The following PHACTR1 variants were observed in gnomAD, a reference collection of about 807,000 sequenced individuals.
The protein encoded by PHACTR1 is phosphatase and actin regulator 1.
Under a neutral mutation model 69.2 loss-of-function variants are expected in PHACTR1, and 16 were observed. The ratio of observed to expected loss-of-function variants is 0.23; its 90% CI spans 0.16 to 0.35. The LOEUF (loss-of-function observed/expected upper bound fraction) is 0.35. Ranked by LOEUF, PHACTR1 falls within the 10% of genes least tolerant of loss-of-function variation. The pLI is 1.00. For synonymous variants in PHACTR1, 312 were observed against 284.5 expected, an observed-to-expected ratio of 1.10 and a Z score of -0.97; for missense variants, 510 against 734.7, an observed-to-expected ratio of 0.69 and a Z score of 3.54.
chr6:12,942,796 G>A (rs895363278), intron 4 of PHACTR1, among the ~76,000 whole-genome samples: 1 of 152,164 alleles, frequency 6.6e-6, no homozygotes, highest in South Asian at 2.1e-4. Context: ...GTGGAGAAAT[G>A]AATCATACAA....
At chr6:12,954,770 A>G (rs1391675768) in intron 4 of PHACTR1, among the ~76,000 whole-genome samples, 1 of 152,204 alleles carries the variant, frequency 6.6e-6, no homozygotes, top group Non-Finnish European at 1.5e-5. Flanking sequence ...AGAGATTACC[A>G]CTTGAATTAT....
Position 13,287,162 on chromosome 6 carries a change from C to T in PHACTR1, c.*84C>T. 7.8e-7 allele frequency: 1 copy of T among 1,287,832 alleles called. No homozygotes were observed. 79.8% of individuals were successfully genotyped at this position (1,287,832 alleles called of 1,614,324 possible). ...AAGTGCTGGTATTTATTCACTTCCC[C>T]ATTACGATGTAAATCTTCTGAACTG... is the stretch of plus-strand genomic sequence containing the variant. On this transcript the variant is annotated 3_prime_UTR_variant, in exon 15 of 15. Transcript: ENST00000332995.
intron 10 of PHACTR1, among the ~76,000 whole-genome samples, chr6:13,259,551 A>G (rs1775631914): frequency 6.6e-6 from 1 of 152,180 alleles, no homozygotes. Context: ...AGTTACCAAA[A>G]ATAGTATTTC....
chr6:13,273,837 G>A (rs1472107012), intron 11 of PHACTR1: 1 of 152,190 alleles, frequency 6.6e-6, no homozygotes, highest in Non-Finnish European at 1.5e-5. Context: ...AGAAGAGAAA[G>A]ATATATACTA....
At chr6:12,951,143 G>C (rs1045640271) in intron 4 of PHACTR1, among the ~76,000 whole-genome samples, 2 of 152,310 alleles carry the variant, frequency 1.3e-5, no homozygotes, top group South Asian at 4.2e-4. Context: ...TGGCAGGGAG[G>C]AAGGTAATAA....
chr6:12,757,879 A>G (rs1272988491), intron 4 of PHACTR1, among the ~76,000 whole-genome samples: 1 of 152,146 alleles, frequency 6.6e-6, no homozygotes, highest in East Asian at 1.9e-4. Context: ...TAGGAGGCCA[A>G]GGTGGGCGGA....
At chr6:13,120,866 G>A (rs1561858548) in intron 5 of PHACTR1, among the ~76,000 whole-genome samples, 1 of 152,200 alleles carries the variant, frequency 6.6e-6, no homozygotes, top group African/African-American at 2.4e-5. Context: ...ATTGCAGTGT[G>A]CGATGCCTCT....
At chr6:12,811,375 T>A (rs1365717996) in intron 4 of PHACTR1, among the ~76,000 whole-genome samples, 2 of 152,232 alleles carry the variant, frequency 1.3e-5, no homozygotes, top group Non-Finnish European at 2.9e-5. Context: ...CACTGGAGAA[T>A]ATAGTTTCAT....
At chr6:12,819,165 A>G (rs1424687692) in intron 4 of PHACTR1, among the ~76,000 whole-genome samples, 1 of 152,136 alleles carries the variant, frequency 6.6e-6, no homozygotes, top group Admixed American at 6.5e-5. Flanking sequence ...TCCATACCAT[A>G]ATGCTTTCCT....
At chr6:12,898,632 T>C (rs1240524981) in intron 4 of PHACTR1, among the ~76,000 whole-genome samples, 1 of 152,240 alleles carries the variant, frequency 6.6e-6, no homozygotes, top group Non-Finnish European at 1.5e-5. Flanking sequence ...TGACTCGCAC[T>C]GGGACCACCT....
intron 5 of PHACTR1, among the ~76,000 whole-genome samples, chr6:13,106,262 T>C (rs1161652525): frequency 6.6e-6 from 1 of 152,206 alleles, no homozygotes; most frequent in Non-Finnish European, 1.5e-5. Flanking sequence ...CTTTCCAATC[T>C]GGATTCCTTT....
At position 12,721,766 on chromosome 6, in the gene PHACTR1, T is replaced by C. The variant is rs80210526; in HGVS notation, c.103+2919T>C. ...TTCCTCCACTGTAGCTTCCCTCCCC[T>C]TTGCACAGATTCCACAGTCTGTCCT... is the stretch of plus-strand genomic sequence containing the variant. On this transcript the variant is annotated intron_variant, in intron 3 of 14. Transcript: ENST00000332995. Among the ~76,000 whole-genome samples the C allele has an allele frequency of 4.3e-3, 662 of 152,264 alleles. 5 individuals are homozygous for C. The highest frequency in any genetic ancestry group is 0.015 in the African/African-American group (627 of 41,554).
intron 4 of PHACTR1, among the ~76,000 whole-genome samples, chr6:12,834,031 G>T (rs1312587592): frequency 6.6e-6 from 1 of 152,124 alleles, no homozygotes; most frequent in Non-Finnish European, 1.5e-5. Flanking sequence ...CATCCTGACA[G>T]TAGGCTATGG....
intron 4 of PHACTR1, among the ~76,000 whole-genome samples, chr6:12,970,145 ATG>A (rs1198203105): frequency 6.6e-6 from 1 of 152,216 alleles, no homozygotes; most frequent in Non-Finnish European, 1.5e-5. Context: ...AAGAAGCTGA[ATG>A]TGCTGTCTGT....
intron 4 of PHACTR1, among the ~76,000 whole-genome samples, chr6:13,016,657 A>G (rs1800224742): frequency 6.7e-6 from 1 of 149,734 alleles, no homozygotes; most frequent in African/African-American, 2.5e-5. Flanking sequence ...CCTGGTATCT[A>G]CTAACTAGTA....
At chr6:13,196,485 A>G (rs1249807185) in intron 7 of PHACTR1, 2 of 175,682 alleles carry the variant, frequency 1.1e-5, no homozygotes, top group Non-Finnish European at 2.4e-5. Context: ...CAGTGGTACA[A>G]TCTCAGCTCA....
At chr6:13,062,863 T>C (rs1437544450) in intron 5 of PHACTR1, among the ~76,000 whole-genome samples, 1 of 152,206 alleles carries the variant, frequency 6.6e-6, no homozygotes, top group Non-Finnish European at 1.5e-5. Flanking sequence ...CCATGAAGAC[T>C]CTATGGCCCA....
chr6:13,217,247 G>A (rs544532513), intron 8 of PHACTR1, among the ~76,000 whole-genome samples: 6 of 152,264 alleles, frequency 3.9e-5, no homozygotes, highest in South Asian at 4.1e-4. Flanking sequence ...CAGCTGCCTG[G>A]GAGGTGGGCA....
At chr6:12,831,874 A>ATT (rs1777619289) in intron 4 of PHACTR1, among the ~76,000 whole-genome samples, 1 of 152,260 alleles carries the variant, frequency 6.6e-6, no homozygotes, top group East Asian at 1.9e-4. Flanking sequence ...GTTACTGTGT[A>ATT]TTTTGACTTG....
Sources: gnomAD v4.1 joint callset for allele counts (sites outside exome capture counted in the v4.1 genomes callset) on GRCh38, gnomAD v4.1.1 for gene constraint, MANE v1.5 for transcripts, NCBI Gene and HGNC (gene_info 2026-07-23, HGNC 2026-07-21) for gene names.